The following ARHGEF12 variants were observed in gnomAD, a reference collection of about 807,000 sequenced individuals.
ARHGEF12 encodes the protein KMT2A/ARHGEF12 fusion protein.
ARHGEF12 carries 66 observed loss-of-function variants against 211.2 expected under a neutral mutation model. The ratio of observed to expected loss-of-function variants is 0.31; its 90% CI spans 0.26 to 0.38. The LOEUF is 0.38. ARHGEF12 is among the 10% of genes least tolerant of loss of function. The pLI is 1.00. For missense variants in ARHGEF12, 1,429 were observed against 1,869.5 expected (o/e 0.76, Z 4.34); for synonymous variants, 592 against 638.4 (o/e 0.93, Z 1.09).
chr11:120,476,408 T>C (rs1032242590), intron 33 of ARHGEF12: 1 of 303,458 alleles, frequency 3.3e-6, no homozygotes. Context: ...TTAGCAAAGT[T>C]TCTAGTAAAT....
At chr11:120,448,381 G>C (rs930679839) in intron 20 of ARHGEF12, 33 bp downstream of exon 20, 3 of 1,535,922 alleles carry the variant, frequency 2.0e-6, no homozygotes, top group Non-Finnish European at 2.7e-6. Flanking sequence ...GCATGTTCAG[G>C]CCTTAGGGCT....
chr11:120,356,076 G>T (rs568224892), intron 1 of ARHGEF12, among the ~76,000 whole-genome samples: 1 of 152,194 alleles, frequency 6.6e-6, no homozygotes, highest in African/African-American at 2.4e-5. Context: ...TCCAACATTT[G>T]CAATTTCATG....
chr11:120,479,440 A>G (rs1225418485), intron 37 of ARHGEF12, among the ~76,000 whole-genome samples: 1 of 152,236 alleles, frequency 6.6e-6, no homozygotes, highest in Non-Finnish European at 1.5e-5. Flanking sequence ...CTCATAGCAT[A>G]CACTTGGCCC....
intron 4 of ARHGEF12, among the ~76,000 whole-genome samples, chr11:120,414,907 G>C (rs1944986354): frequency 6.6e-6 from 1 of 152,154 alleles, no homozygotes; most frequent in South Asian, 2.1e-4. Context: ...GATTACGTTT[G>C]AAGGAAGTTT....
chr11:120,337,714 T>G lies in ARHGEF12; in HGVS notation c.32+439T>G, dbSNP rs571078340. On this transcript the variant is annotated intron_variant, in intron 1 of 40. Transcript: ENST00000397843. ...GGAATTTCTACCTGTGAACTTAATG[T>G]TGAGCCTACTGCATGGTGATCTGGG... 11 of 985,456 alleles carry G rather than the reference T, an allele frequency of 1.1e-5. No homozygotes were observed. In the South Asian group the frequency reaches 5.2e-4, roughly 46 times the overall value. The allele number at this position is 985,456 out of a possible 1,614,324, so 61.0% of individuals were successfully genotyped here.
At position 120,442,439 on chromosome 11, in the gene ARHGEF12, C is replaced by T. The variant is rs867649917; in HGVS notation, c.1302+237C>T. ...ATATATATATATATACACACACACA[C>T]ACACACACACACACACATATATATA... On this transcript the variant is annotated intron_variant, in intron 15 of 40. Transcript: ENST00000397843. Among the ~76,000 whole-genome samples, 1,239 of 135,874 alleles carry T rather than the reference C, an allele frequency of 9.1e-3. 81 individuals carry two copies. In the South Asian group the frequency reaches 0.17, roughly 19 times the overall value. The allele number at this position is 135,874 out of a possible 152,430, so 89.1% of individuals were successfully genotyped here.
intron 1 of ARHGEF12, among the ~76,000 whole-genome samples, chr11:120,402,292 C>G (rs1418766296): frequency 1.3e-5 from 2 of 152,174 alleles, no homozygotes; most frequent in Non-Finnish European, 2.9e-5. Context: ...CTGATATTTA[C>G]ATCGTCTTAC....
intron 21 of ARHGEF12, chr11:120,450,579 A>G (rs1946180856): frequency 6.6e-6 from 1 of 152,120 alleles, no homozygotes; most frequent in African/African-American, 2.4e-5. Context: ...AAGGTATACA[A>G]AAGAAGAATT....
At chr11:120,356,122 C>T (rs554009015) in intron 1 of ARHGEF12, among the ~76,000 whole-genome samples, 41 of 152,328 alleles carry the variant, frequency 2.7e-4, no homozygotes, top group Admixed American at 7.2e-4. Flanking sequence ...AGTATGACTG[C>T]GTCTTAAATC....
intron 10 of ARHGEF12, 21 bp from the exon 11 acceptor site, chr11:120,431,750 T>C (rs539862221): frequency 1.3e-6 from 2 of 1,556,692 alleles, no homozygotes; most frequent in Admixed American, 4.0e-5. Flanking sequence ...TGTGCGCGTG[T>C]TTTTCTTTCA....
chr11:120,420,717 T>C (rs1159394503), intron 4 of ARHGEF12, 36 bp from the exon 5 acceptor site: 3 of 1,552,774 alleles, frequency 1.9e-6, no homozygotes, highest in African/African-American at 1.4e-5. Context: ...CTCTGTTTTC[T>C]CTTCCTTCTT....
chr11:120,339,005 CTTT>C (rs906260027), intron 1 of ARHGEF12, among the ~76,000 whole-genome samples: 9 of 121,994 alleles, frequency 7.4e-5, no homozygotes, highest in African/African-American at 1.9e-4. Flanking sequence ...TTTTCTTTTT[CTTT>C]TTTTTTTTTT....
chr11:120,432,920 GTT>G (rs1295066459), intron 11 of ARHGEF12, among the ~76,000 whole-genome samples: 1 of 151,968 alleles, frequency 6.6e-6, no homozygotes, highest in Admixed American at 6.6e-5. Flanking sequence ...TTTTTGTTTT[GTT>G]TTGTTTTGTT....
At chr11:120,411,581 CTTTTTTTTTTT>C (rs56970429) in intron 4 of ARHGEF12, 41 of 40,702 alleles carry the variant, frequency 1.0e-3, no homozygotes, top group Admixed American at 2.2e-3. Flanking sequence ...ACTTTCTTGG[CTTTTTTTTTTT>C]TTTTTTTTTT....
In ARHGEF12 at chr11:120,428,150, C is replaced by T. The variant is rs764042487; in HGVS notation, c.488C>T (p.Pro163Leu). The T allele has an allele frequency of 1.3e-5, 21 of 1,611,258 alleles. No homozygotes were observed. The highest frequency in any genetic ancestry group is 8.9e-5 in the East Asian group (4 of 44,822). ...CCACTTGCCGACTCTGAAGTAGAGCCGTCAGTCATTGGACATATGTCTCCC... is the reference window on the plus strand; with the variant it reads ...CCACTTGCCGACTCTGAAGTAGAGCTGTCAGTCATTGGACATATGTCTCCC... ...QIPLADSEVEPSVIGHMSPIM... is the reference protein window; with the variant it reads ...QIPLADSEVELSVIGHMSPIM... The change falls in exon 8 of 41, where the codon CCG (proline) becomes CTG (leucine). Residue 163 changes from proline (P) to leucine (L), a missense_variant. Pro to Leu is a moderately conservative substitution (Grantham distance 98, BLOSUM62 -3). This residue lies in a region of ARHGEF12 where 254 missense variants were observed against 286.4 expected (regional missense o/e 0.89). Transcript: ENST00000397843.
chr11:120,432,336 T>C (rs1256011162), intron 11 of ARHGEF12, among the ~76,000 whole-genome samples: 1 of 152,222 alleles, frequency 6.6e-6, no homozygotes, highest in Non-Finnish European at 1.5e-5. Flanking sequence ...TCCTGTTAGA[T>C]AGGCTTCAGT....
At chr11:120,423,644 A>G (rs1230224638) in intron 6 of ARHGEF12, among the ~76,000 whole-genome samples, 2 of 151,934 alleles carry the variant, frequency 1.3e-5, no homozygotes, top group Non-Finnish European at 2.9e-5. Context: ...TATAATGTTT[A>G]TGTGTCTCTT....
chr11:120,374,018 G>A (rs1943659537), intron 1 of ARHGEF12, among the ~76,000 whole-genome samples: 1 of 152,100 alleles, frequency 6.6e-6, no homozygotes, highest in Non-Finnish European at 1.5e-5. Context: ...TGTTAGTCAG[G>A]TTGGGCTCGA....
intron 36 of ARHGEF12, among the ~76,000 whole-genome samples, chr11:120,477,888 A>G (rs11217886): frequency 0.19 from 27,067 of 143,432 alleles, 2,604 homozygotes; most frequent in Middle Eastern, 0.22. Context: ...AAAAAGAAAA[A>G]AAAGAAAATA....
Sources: allele counts gnomAD v4.1 joint callset (sites outside exome capture counted in the v4.1 genomes callset), GRCh38; gene constraint gnomAD v4.1.1; regional missense constraint gnomAD v4.1.1; transcripts MANE v1.5; gene names NCBI Gene and HGNC (gene_info 2026-07-23, HGNC 2026-07-21).